AK4: variants seen among roughly 807,000 people sequenced by gnomAD.
AK4 encodes adenylate kinase 4, mitochondrial.
A neutral mutation model predicts 24.6 loss-of-function variants in AK4; 13 were observed. The ratio of observed to expected loss-of-function variants is 0.53; its 90% CI spans 0.34 to 0.84. AK4 has a LOEUF of 0.84. Ranked by LOEUF, AK4 falls within the 40% of genes least tolerant of loss-of-function variation. The pLI is 0.01. For missense variants in AK4, 192 were observed against 288.2 expected (o/e 0.67, Z 2.42); for synonymous variants, 88 against 107.0 (o/e 0.82, Z 1.10).
At chr1:65,149,396 A>G (rs1649692394) in intron 1 of AK4, among the ~76,000 whole-genome samples, 1 of 152,118 alleles carries the variant, frequency 6.6e-6, no homozygotes, top group African/African-American at 2.4e-5. Context: ...CTCCACGTTC[A>G]CACCAGTTCC....
chr1:65,198,389 A>G (rs1013422112), intron 2 of AK4, among the ~76,000 whole-genome samples: 15 of 152,208 alleles, frequency 9.9e-5, no homozygotes, highest in African/African-American at 3.6e-4. Flanking sequence ...AGCTCTGTTC[A>G]TTCAGTAAGC....
intron 4 of AK4, among the ~76,000 whole-genome samples, chr1:65,225,676 A>T (rs1049573664): frequency 6.6e-6 from 1 of 152,238 alleles, no homozygotes; most frequent in Admixed American, 6.5e-5. Context: ...TCAGAGTTTT[A>T]TGATCATATT....
intron 2 of AK4, among the ~76,000 whole-genome samples, chr1:65,205,500 C>T (rs1331946708): frequency 1.3e-5 from 2 of 152,162 alleles, no homozygotes; most frequent in Non-Finnish European, 2.9e-5. Flanking sequence ...CTCCAAAGTA[C>T]TTGGATTTAC....
chr1:65,184,073 T>C (rs2101030323), intron 1 of AK4, among the ~76,000 whole-genome samples: 1 of 152,300 alleles, frequency 6.6e-6, no homozygotes, highest in South Asian at 2.1e-4. Context: ...ATCCTGAAAA[T>C]TTGTATATTA....
chr1:65,225,480 G>C (rs779983232), intron 4 of AK4, among the ~76,000 whole-genome samples: 1 of 152,086 alleles, frequency 6.6e-6, no homozygotes, highest in Non-Finnish European at 1.5e-5. Flanking sequence ...GCAGAAATCT[G>C]GTTTTCTGTG....
chr1:65,152,169 T>A (rs1649791509), intron 1 of AK4, among the ~76,000 whole-genome samples: 1 of 151,730 alleles, frequency 6.6e-6, no homozygotes, highest in African/African-American at 2.4e-5. Flanking sequence ...GTTTTAAAGG[T>A]TGGAGAAATA....
chr1:65,152,382 ATATTTTTTTTTTTTTTTTTTTT>A (rs1649824890), intron 1 of AK4, among the ~76,000 whole-genome samples: 2 of 26,716 alleles, frequency 7.5e-5, no homozygotes, highest in South Asian at 1.8e-3. Context: ...ATATATATAT[ATATTTTTTTTTTTTTTTTTTTT>A]TTTTTTTTTT....
intron 1 of AK4, among the ~76,000 whole-genome samples, chr1:65,153,883 A>G (rs1259799623): frequency 1.3e-5 from 2 of 152,126 alleles, no homozygotes; most frequent in African/African-American, 4.8e-5. Flanking sequence ...TGTCTGAGGA[A>G]CAGAAAGAAG....
chr1:65,195,769 G>A (rs1179718883), intron 2 of AK4, among the ~76,000 whole-genome samples: 2 of 152,202 alleles, frequency 1.3e-5, no homozygotes, highest in African/African-American at 4.8e-5. Context: ...TCATTATTTT[G>A]TGACTAGTGT....
intron 2 of AK4, among the ~76,000 whole-genome samples, chr1:65,199,059 C>A (rs1651577389): frequency 6.7e-6 from 1 of 148,670 alleles, no homozygotes; most frequent in East Asian, 2.0e-4. Context: ...TGCACTCCAG[C>A]CTGGGCAACA....
At chr1:65,160,326 C>G (rs1378129178) in intron 1 of AK4, among the ~76,000 whole-genome samples, 1 of 152,148 alleles carries the variant, frequency 6.6e-6, no homozygotes, top group Non-Finnish European at 1.5e-5. Context: ...TCTAATAAGG[C>G]CTGTTGACTG....
intron 1 of AK4, among the ~76,000 whole-genome samples, chr1:65,183,600 C>T (rs891937207): frequency 6.6e-6 from 1 of 151,478 alleles, no homozygotes; most frequent in Non-Finnish European, 1.5e-5. Flanking sequence ...TGCTGACTGT[C>T]CTGCATATTT....
chr1:65,220,668 G>A (rs184944863), intron 3 of AK4, among the ~76,000 whole-genome samples: 2 of 152,176 alleles, frequency 1.3e-5, no homozygotes, highest in Admixed American at 1.3e-4. Context: ...TAAAGACAGG[G>A]TTTCACTATG....
At chr1:65,214,535 T>C (rs1652067060) in intron 2 of AK4, among the ~76,000 whole-genome samples, 1 of 152,122 alleles carries the variant, frequency 6.6e-6, no homozygotes, top group Admixed American at 6.5e-5. Context: ...TAAATCCAGG[T>C]GCGTCTGATT....
intron 2 of AK4, among the ~76,000 whole-genome samples, chr1:65,203,410 A>G (rs1230652774): frequency 2.0e-5 from 3 of 152,168 alleles, no homozygotes; most frequent in Non-Finnish European, 2.9e-5. Context: ...TAACATTTCA[A>G]TAATAACTTA....
upstream of AK4, chr1:65,147,577 G>T (rs897943459): frequency 6.6e-6 from 1 of 151,842 alleles, no homozygotes; most frequent in Non-Finnish European, 1.5e-5. Flanking sequence ...CCGCGCGGCC[G>T]GCCGGGGCTC....
At position 65,231,178 on chromosome 1, in the gene AK4, A is replaced by G. The variant is rs1162497114; in HGVS notation, c.*5001A>G. 1.3e-5 allele frequency: 2 copies of G among 152,246 alleles called. No homozygotes were observed. The highest frequency in any genetic ancestry group is 6.5e-5 in the Admixed American group (1 of 15,286). 9.4% of individuals were successfully genotyped at this position (152,246 alleles called of 1,614,324 possible). A position where few individuals can be genotyped will look rare whatever the true frequency, so the allele number is the denominator to read the frequency against. The stretch of plus-strand genomic sequence containing the variant: ...TGCAGGCCCCAGAGGTTGAGAAGCC[A>G]TATTTCAACTGTGAAAAAAATCTGC... On this transcript the variant is annotated 3_prime_UTR_variant, in exon 5 of 5. Coordinates refer to ENST00000327299, the MANE Select transcript of AK4 (RefSeq NM_013410.4).
chr1:65,217,922 G>A (rs1652180110), intron 2 of AK4, among the ~76,000 whole-genome samples: 1 of 152,120 alleles, frequency 6.6e-6, no homozygotes, highest in Non-Finnish European at 1.5e-5. Context: ...TATATTTAAG[G>A]TGTACAATGT....
intron 2 of AK4, among the ~76,000 whole-genome samples, chr1:65,212,897 T>C (rs1652014929): frequency 6.6e-6 from 1 of 152,010 alleles, no homozygotes; most frequent in African/African-American, 2.4e-5. Flanking sequence ...ATGAGAAGAG[T>C]AAGAGGTAAG....
Sources: allele counts gnomAD v4.1 joint callset (sites outside exome capture counted in the v4.1 genomes callset), GRCh38; gene constraint gnomAD v4.1.1; transcripts MANE v1.5; gene names NCBI Gene and HGNC (gene_info 2026-07-23, HGNC 2026-07-21).